The following SRP19 variants were observed in gnomAD, a reference collection of about 807,000 sequenced individuals.
SRP19 encodes the protein signal recognition particle 19.
Under a neutral mutation model 22.4 loss-of-function variants are expected in SRP19, and 11 were observed. The observed-to-expected ratio is 0.49, with a 90% CI of 0.31 to 0.81. The LOEUF (loss-of-function observed/expected upper bound fraction) is 0.81. Among genes scored for constraint, SRP19 ranks in the 40% least tolerant of loss-of-function variants. The pLI is 0.05. For synonymous variants in SRP19, 61 were observed against 57.6 expected (o/e 1.06, Z -0.27); for missense variants, 168 against 175.9 (o/e 0.96, Z 0.25).
At chr5:112,887,269 G>T in intron 4 of SRP19, 1 of 1,225,930 alleles carries the variant, frequency 8.2e-7, no homozygotes, top group Non-Finnish European at 1.1e-6. Flanking sequence ...CTACTCTGGG[G>T]ATGGGAGATG....
intron 4 of SRP19, among the ~76,000 whole-genome samples, chr5:112,879,755 C>T (rs900431964): frequency 3.1e-4 from 47 of 152,008 alleles, no homozygotes; most frequent in African/African-American, 1.0e-3. Context: ...GGATTACAGA[C>T]GTAAGCCACC....
chr5:112,862,647 C>G (rs150555680), intron 2 of SRP19, 64 bp downstream of exon 2: 2 of 1,462,502 alleles, frequency 1.4e-6, no homozygotes, highest in South Asian at 1.2e-5. Context: ...GGTCGGGCCA[C>G]GTAATCTTGT....
At position 112,862,597 on chromosome 5, in the gene SRP19, C is replaced by T. The variant is rs768536084; in HGVS notation, c.117+14C>T. The T allele has an allele frequency of 2.5e-6, 4 of 1,611,838 alleles. No homozygotes were observed. Among genetic ancestry groups the T allele is most frequent in the Non-Finnish European group, 3.4e-6 (4 of 1,178,822 alleles). On this transcript the variant is annotated intron_variant, in intron 2 of 4. Coordinates refer to ENST00000505459, the MANE Select transcript of SRP19 (RefSeq NM_003135.3). ...CCCATAAGTAAGGTAAGCAAGATGG[C>T]TGGCACCTTGATCCTCGAGGGAATG... is the stretch of plus-strand genomic sequence containing the variant.
chr5:112,866,906 C>T (rs951014763), intron 4 of SRP19, among the ~76,000 whole-genome samples: 1 of 152,150 alleles, frequency 6.6e-6, no homozygotes, highest in African/African-American at 2.4e-5. Context: ...GGAACTTGGT[C>T]TGTTGGGGGT....
At chr5:112,862,620 A>AT (rs768024004) in intron 2 of SRP19, 37 bp downstream of exon 2, 2 of 1,585,586 alleles carry the variant, frequency 1.3e-6, no homozygotes, top group South Asian at 2.2e-5. Flanking sequence ...CCTCGAGGGA[A>AT]TGGGGGGTGT....
At chr5:112,889,360 G>T (rs1348193888) in intron 4 of SRP19, among the ~76,000 whole-genome samples, 1 of 150,518 alleles carries the variant, frequency 6.6e-6, no homozygotes, top group Admixed American at 6.6e-5. Context: ...TAAAGTTATG[G>T]GAAAGATATA....
rs1462000198 is a variant in SRP19, at chr5:112,861,419, TG to T, written c.41+5del. ...GCGGTCCCCGGCCGACCAGGACAGG[TG>T]GGTTCTGAGGCGGTGGGTCCTCCGA... On this transcript the variant is annotated splice_donor_region_variant and intron_variant, in intron 1 of 4. Transcript: ENST00000505459. 1 of 1,613,576 alleles carries T rather than the reference TG, an allele frequency of 6.2e-7. No individual in the cohort carries two copies. The highest frequency in any genetic ancestry group is 8.5e-7 in the Non-Finnish European group (1 of 1,179,838).
At chr5:112,870,696 G>A (rs1767737250), downstream of SRP19, among the ~76,000 whole-genome samples, 1 of 152,156 alleles carries the variant, frequency 6.6e-6, no homozygotes, top group Admixed American at 6.5e-5. Flanking sequence ...CCTCAGGAAT[G>A]GATTAATGTT....
rs377001833 is a variant in SRP19, at chr5:112,893,070, A to T, written c.*1463A>T. On this transcript the variant is annotated 3_prime_UTR_variant, in exon 5 of 5. Transcript: ENST00000391338. ...GAGACAGAACTGTTCAGAGTCCCCA[A>T]TCCAAATAAACTAGTTTTGTTCTTA... 4.2e-6 allele frequency: 5 copies of T among 1,193,558 alleles called. No individual in the cohort carries two copies. The Admixed American group carries it at 8.8e-5, about 21-fold the overall frequency. The allele number at this position is 1,193,558 out of a possible 1,614,324, so 73.9% of individuals were successfully genotyped here.
At chr5:112,892,948 G>A in exon 5 of SRP19, 3 of 1,597,944 alleles carry the variant, frequency 1.9e-6, no homozygotes, top group Non-Finnish European at 2.6e-6. Flanking sequence ...CCGCAGCTGG[G>A]ACCAGGGCCG....
Position 112,868,312 on chromosome 5 carries a change from T to A in SRP19, c.*775T>A. 1 of 985,828 alleles carries A rather than the reference T, an allele frequency of 1.0e-6. No individual in the cohort carries two copies. The allele number at this position is 985,828 out of a possible 1,614,324, so 61.1% of individuals were successfully genotyped here. On this transcript the variant is annotated 3_prime_UTR_variant, in exon 5 of 5. Transcript: ENST00000505459. ...AGTAGTGATTTTGAGCTATCCCAATTCCTGTTCTTCCTGAGGCCTGGTTTA... is the reference window on the plus strand; with the variant it reads ...AGTAGTGATTTTGAGCTATCCCAATACCTGTTCTTCCTGAGGCCTGGTTTA...
chr5:112,872,377 G>T (rs564515221), downstream of SRP19, among the ~76,000 whole-genome samples: 8 of 144,112 alleles, frequency 5.6e-5, no homozygotes, highest in East Asian at 1.6e-3. Flanking sequence ...TGCCCAGGCT[G>T]GAGTGCAGTG....
chr5:112,865,673 A>C (rs1342835631), intron 4 of SRP19, among the ~76,000 whole-genome samples: 1 of 151,266 alleles, frequency 6.6e-6, no homozygotes, highest in African/African-American at 2.4e-5. Flanking sequence ...AGCTCACTGC[A>C]ACCTCCGACT....
At chr5:112,863,031 G>A (rs1366514794) in intron 2 of SRP19, among the ~76,000 whole-genome samples, 1 of 152,164 alleles carries the variant, frequency 6.6e-6, no homozygotes, top group African/African-American at 2.4e-5. Flanking sequence ...TAATATGACA[G>A]ATTTAAGACA....
exon 5 of SRP19, chr5:112,892,896 T>G: frequency 6.2e-7 from 1 of 1,606,616 alleles, no homozygotes; most frequent in Middle Eastern, 1.7e-4. Context: ...CATCAAAGAG[T>G]CGGGAGAGGC....
chr5:112,892,022 A>G, exon 5 of SRP19: 3 of 1,333,302 alleles, frequency 2.3e-6, no homozygotes, highest in Non-Finnish European at 3.2e-6. Context: ...GAAGAGGAGG[A>G]GCAGAAACAA....
downstream of SRP19, among the ~76,000 whole-genome samples, chr5:112,873,271 C>CTTTTTTTTTTTTTTTTTTTTTTTTTT (rs35379154): frequency 1.4e-4 from 7 of 50,714 alleles, no homozygotes; most frequent in African/African-American, 1.7e-4. Flanking sequence ...CTCAGGTTTT[C>CTTTTTTTTTTTTTTTTTTTTTTTTTT]TTTTTTTTTT....
chr5:112,886,878 T>G, intron 4 of SRP19: 9 of 594,092 alleles, frequency 1.5e-5, no homozygotes, highest in South Asian at 3.0e-5. Flanking sequence ...GCAAAGACTT[T>G]GTAAAGAAAT....
At chr5:112,881,624 T>A (rs748303468) in intron 4 of SRP19, among the ~76,000 whole-genome samples, 1 of 152,200 alleles carries the variant, frequency 6.6e-6, no homozygotes, top group Non-Finnish European at 1.5e-5. Flanking sequence ...TTGTTCTTCA[T>A]TGCCACTTTC....
Sources: allele counts gnomAD v4.1 joint callset (sites outside exome capture counted in the v4.1 genomes callset), GRCh38; gene constraint gnomAD v4.1.1; transcripts MANE v1.5; gene names NCBI Gene and HGNC (gene_info 2026-07-23, HGNC 2026-07-21).